Variants in COL25A1 observed in about 807,000 individuals in gnomAD.
COL25A1 encodes collagen type XXV alpha 1 chain, also known as collagen alpha-1(XXV) chain.
COL25A1 carries 103 observed loss-of-function variants against 128.4 expected under a neutral mutation model. The ratio of observed to expected loss-of-function variants is 0.80; its 90% CI spans 0.68 to 0.94. COL25A1 has a LOEUF of 0.94. Among genes scored for constraint, COL25A1 ranks in the 40% least tolerant of loss-of-function variants. COL25A1 has a pLI of 0.00. For synonymous variants in COL25A1, 279 were observed against 277.2 expected (o/e 1.01, Z -0.06); for missense variants, 745 against 840.0 (o/e 0.89, Z 1.40).
At chr4:109,053,463 A>T (rs539075176) in intron 3 of COL25A1, among the ~76,000 whole-genome samples, 1 of 152,244 alleles carries the variant, frequency 6.6e-6, no homozygotes, top group South Asian at 2.1e-4. Context: ...CTCTTCTCTA[A>T]ATTTAGAAAT....
chr4:109,271,574 G>A (rs1013867108), intron 3 of COL25A1, among the ~76,000 whole-genome samples: 1 of 152,158 alleles, frequency 6.6e-6, no homozygotes, highest in Admixed American at 6.6e-5. Flanking sequence ...CTCTTTGGAG[G>A]CCTAAATTTT....
At chr4:108,859,260 C>T (rs1363452586) in intron 24 of COL25A1, among the ~76,000 whole-genome samples, 1 of 152,092 alleles carries the variant, frequency 6.6e-6, no homozygotes, top group Non-Finnish European at 1.5e-5. Context: ...AAATAACTTG[C>T]CCTAGGTCAC....
chr4:109,027,604 A>G (rs1246824233), intron 5 of COL25A1, among the ~76,000 whole-genome samples: 2 of 152,160 alleles, frequency 1.3e-5, no homozygotes, highest in African/African-American at 4.8e-5. Flanking sequence ...AGGGGTGTAC[A>G]GATGGAGAGA....
intron 3 of COL25A1, 76 bp downstream of exon 3, chr4:109,300,507 G>T: frequency 2.1e-6 from 2 of 964,560 alleles, no homozygotes; most frequent in Admixed American, 1.8e-5. Context: ...ATTACAGGTA[G>T]ACTTGACAGA....
At chr4:108,961,203 T>A (rs2125967939) in intron 8 of COL25A1, among the ~76,000 whole-genome samples, 1 of 152,266 alleles carries the variant, frequency 6.6e-6, no homozygotes, top group Non-Finnish European at 1.5e-5. Flanking sequence ...ATGTGGAGAA[T>A]CTGTATTTAT....
At chr4:109,302,105 C>T in intron 1 of COL25A1, 30 bp from the exon 2 acceptor site, 1 of 1,445,216 alleles carries the variant, frequency 6.9e-7, no homozygotes, top group South Asian at 1.4e-5. Context: ...TCGATTCCTC[C>T]AAAGTTCAGT....
intron 3 of COL25A1, among the ~76,000 whole-genome samples, chr4:109,187,198 T>C (rs1417002403): frequency 2.0e-5 from 2 of 101,822 alleles, no homozygotes; most frequent in Non-Finnish European, 4.2e-5. Context: ...TCTCTTGCTC[T>C]CTACACACAC....
intron 13 of COL25A1, among the ~76,000 whole-genome samples, chr4:108,901,904 T>G (rs1015914882): frequency 6.6e-6 from 1 of 152,040 alleles, no homozygotes; most frequent in Non-Finnish European, 1.5e-5. Flanking sequence ...CTCCCTGAAG[T>G]GCCCAGAAAC....
intron 3 of COL25A1, among the ~76,000 whole-genome samples, chr4:109,130,116 AATATACATACATAC>A (rs1236835346): frequency 6.6e-6 from 1 of 150,382 alleles, no homozygotes; most frequent in Non-Finnish European, 1.5e-5. Flanking sequence ...CTTTCCACAG[AATATACATACATAC>A]ATATATATAT....
intron 37 of COL25A1, among the ~76,000 whole-genome samples, chr4:108,816,080 C>T (rs1295609031): frequency 6.6e-6 from 1 of 152,114 alleles, no homozygotes; most frequent in Admixed American, 6.6e-5. Flanking sequence ...GGATAGTTTT[C>T]TCAGGTGAAG....
At chr4:109,115,110 T>C (rs1767410328) in intron 3 of COL25A1, among the ~76,000 whole-genome samples, 1 of 152,036 alleles carries the variant, frequency 6.6e-6, no homozygotes, top group Non-Finnish European at 1.5e-5. Flanking sequence ...ATTCACATAT[T>C]GAATAAGAGT....
At chr4:109,185,418 T>G (rs1203216286) in intron 3 of COL25A1, among the ~76,000 whole-genome samples, 1 of 152,180 alleles carries the variant, frequency 6.6e-6, no homozygotes, top group Non-Finnish European at 1.5e-5. Flanking sequence ...GTAAATAACT[T>G]CTCTATGGAT....
chr4:109,228,820 G>A (rs1466410871), intron 3 of COL25A1, among the ~76,000 whole-genome samples: 1 of 152,162 alleles, frequency 6.6e-6, no homozygotes, highest in East Asian at 1.9e-4. Context: ...GAAGTTTTTG[G>A]TATACTACTG....
At position 109,193,775 on chromosome 4, in the gene COL25A1, CA is replaced by C. The variant is rs141716679; in HGVS notation, c.367+106807del. On this transcript the variant is annotated intron_variant, in intron 3 of 37. Coordinates refer to ENST00000399132, the MANE Select transcript of COL25A1 (RefSeq NM_198721.4). ...TGAGCTCCAAGAGTCACTAAATACA[CA>C]ACATTGCCAAAAATCAGGAAAAGAC... 4.7e-3 allele frequency among the ~76,000 whole-genome samples: 719 copies of C among 152,226 alleles called. 6 individuals are homozygous for C. The highest frequency in any genetic ancestry group is 0.016 in the African/African-American group (680 of 41,544).
At chr4:109,132,277 T>C (rs1769286245) in intron 3 of COL25A1, among the ~76,000 whole-genome samples, 1 of 152,078 alleles carries the variant, frequency 6.6e-6, no homozygotes, top group Non-Finnish European at 1.5e-5. Context: ...ACATGGTTTG[T>C]TTTTACTTTC....
intron 3 of COL25A1, among the ~76,000 whole-genome samples, chr4:109,163,244 C>T (rs1400186960): frequency 6.6e-6 from 1 of 152,154 alleles, no homozygotes; most frequent in East Asian, 1.9e-4. Context: ...AACCCAAGTA[C>T]TTAGTGTGTT....
At chr4:108,883,136 G>A (rs1433185479) in intron 19 of COL25A1, among the ~76,000 whole-genome samples, 3 of 151,958 alleles carry the variant, frequency 2.0e-5, no homozygotes, top group South Asian at 2.1e-4. Flanking sequence ...CCACCTCCCG[G>A]GTTCAAGAGA....
intron 5 of COL25A1, among the ~76,000 whole-genome samples, chr4:109,038,304 A>G (rs1477431199): frequency 1.3e-5 from 2 of 152,174 alleles, no homozygotes; most frequent in African/African-American, 4.8e-5. Flanking sequence ...GGCCTTAAGA[A>G]CAAAAACTGA....
chr4:108,908,513 G>C (rs1001810049), intron 13 of COL25A1, among the ~76,000 whole-genome samples: 3 of 152,128 alleles, frequency 2.0e-5, no homozygotes, highest in Non-Finnish European at 4.4e-5. Flanking sequence ...AGTAAAAAGA[G>C]AAAACCCCTA....
Sources: gnomAD v4.1 joint callset for allele counts (sites outside exome capture counted in the v4.1 genomes callset) on GRCh38, gnomAD v4.1.1 for gene constraint, MANE v1.5 for transcripts, NCBI Gene and HGNC (gene_info 2026-07-23, HGNC 2026-07-21) for gene names.